The following TEX11 variants were observed in gnomAD, a reference collection of about 807,000 sequenced individuals.
TEX11 encodes testis-expressed protein 11.
Under a neutral mutation model 84.4 loss-of-function variants are expected in TEX11, and 7 were observed. The ratio of observed to expected loss-of-function variants is 0.08; its 90% CI spans 0.05 to 0.16. The LOEUF is 0.16. Among genes scored for constraint, TEX11 ranks in the 10% least tolerant of loss-of-function variants. The probability of loss-of-function intolerance (pLI) is 1.00; values close to 1 mark genes in which losing one functional copy is unlikely to be tolerated. For synonymous variants in TEX11, 264 were observed against 222.8 expected (o/e 1.18, Z -1.64); for missense variants, 551 against 660.5 (o/e 0.83, Z 1.82).
chrX:70,737,932 C>T (rs2147741923), intron 11 of TEX11, among the ~76,000 whole-genome samples: 1 of 111,630 alleles, frequency 9.0e-6, no homozygotes, highest in African/African-American at 3.2e-5. Flanking sequence ...CTTCCTTACA[C>T]TTTATACAAA....
chrX:70,557,646 A>G (rs1947805602), intron 25 of TEX11, among the ~76,000 whole-genome samples: 1 of 111,732 alleles, frequency 8.9e-6, no homozygotes, highest in Non-Finnish European at 1.9e-5. Context: ...GGATTTGATG[A>G]TTTATCATTA....
At chrX:70,589,442 CTCTA>C (rs1224623482) in intron 25 of TEX11, among the ~76,000 whole-genome samples, 1 of 87,404 alleles carries the variant, frequency 1.1e-5, no homozygotes, top group Non-Finnish European at 2.5e-5. Context: ...TCTCTATCTA[CTCTA>C]TCTATAGCCT....
At chrX:70,570,691 C>T (rs192783816) in intron 25 of TEX11, among the ~76,000 whole-genome samples, 35 of 111,558 alleles carry the variant, frequency 3.1e-4, no homozygotes, top group African/African-American at 1.1e-3. Flanking sequence ...TAGGACTACT[C>T]AGATTATTTT....
intron 24 of TEX11, among the ~76,000 whole-genome samples, chrX:70,600,049 T>C (rs2089075587): frequency 9.0e-6 from 1 of 111,194 alleles, no homozygotes; most frequent in Non-Finnish European, 1.9e-5. Flanking sequence ...ATGGGATTGC[T>C]GGGTCAAATG....
intron 3 of TEX11, among the ~76,000 whole-genome samples, chrX:70,873,517 A>G (rs772110322): frequency 2.7e-5 from 3 of 111,102 alleles, no homozygotes; most frequent in African/African-American, 9.8e-5. Context: ...ATTCCTATCA[A>G]TGTGTCTTTA....
intron 9 of TEX11, among the ~76,000 whole-genome samples, chrX:70,777,271 G>T (rs1397302943): frequency 5.4e-5 from 6 of 111,486 alleles, no homozygotes; most frequent in Non-Finnish European, 1.1e-4. Context: ...GATGTAAACT[G>T]TGACATCAAA....
At chrX:70,841,774 C>G (rs759354751) in intron 7 of TEX11, among the ~76,000 whole-genome samples, 4 of 109,960 alleles carry the variant, frequency 3.6e-5, no homozygotes, top group African/African-American at 1.3e-4. Context: ...ATCAATTAGA[C>G]GCAATAAAAA....
intron 15 of TEX11, chrX:70,673,530 A>C (rs1327368137): frequency 8.9e-6 from 1 of 111,872 alleles, no homozygotes; most frequent in Non-Finnish European, 1.9e-5. Context: ...CTAGATCCTG[A>C]AGATTTTCTC....
At chrX:70,618,568 A>T (rs2089345913) in intron 20 of TEX11, among the ~76,000 whole-genome samples, 1 of 112,029 alleles carries the variant, frequency 8.9e-6, no homozygotes, top group African/African-American at 3.2e-5. Flanking sequence ...TAAGATGGCT[A>T]TGTGGCAGAT....
chrX:70,882,617 T>C (rs2091689253), intron 2 of TEX11, among the ~76,000 whole-genome samples: 1 of 110,669 alleles, frequency 9.0e-6, no homozygotes, highest in Admixed American at 9.7e-5. Context: ...TTCATCTCCA[T>C]AAAAAACTTA....
intron 14 of TEX11, among the ~76,000 whole-genome samples, chrX:70,679,928 C>T (rs1603216890): frequency 1.0e-5 from 1 of 98,575 alleles, no homozygotes; most frequent in Admixed American, 1.0e-4. Flanking sequence ...CCCCTCTGCC[C>T]GGCCAGCCGC....
intron 2 of TEX11, among the ~76,000 whole-genome samples, chrX:70,904,313 G>A (rs2091818568): frequency 9.0e-6 from 1 of 111,341 alleles, no homozygotes; most frequent in South Asian, 3.7e-4. Flanking sequence ...ATCTATGAAA[G>A]TACACCAACT....
intron 9 of TEX11, among the ~76,000 whole-genome samples, chrX:70,785,895 G>A (rs188609743): frequency 1.8e-5 from 2 of 112,124 alleles, no homozygotes; most frequent in African/African-American, 6.5e-5. Context: ...TTCAACCATT[G>A]TGGAAGACAG....
chrX:70,700,630 C>T (rs947950035), intron 13 of TEX11, among the ~76,000 whole-genome samples: 5 of 111,281 alleles, frequency 4.5e-5, no homozygotes, highest in Admixed American at 1.9e-4. Flanking sequence ...ACAATGGCCT[C>T]TAAGTGTTCA....
At chrX:70,732,599 A>G (rs1156986314) in intron 11 of TEX11, among the ~76,000 whole-genome samples, 6 of 111,631 alleles carry the variant, frequency 5.4e-5, no homozygotes. Flanking sequence ...TACAAAAGAC[A>G]TGAAGGACCT....
intron 2 of TEX11, among the ~76,000 whole-genome samples, chrX:70,885,888 C>CAAAAAAAAAAAA (rs780384460): frequency 2.4e-5 from 1 of 41,377 alleles, no homozygotes; most frequent in Admixed American, 2.6e-4. Flanking sequence ...GACACTGCCA[C>CAAAAAAAAAAAA]AAAAAAAAAA....
chrX:70,610,407 A>T, intron 21 of TEX11, 96 bp downstream of exon 21: 2 of 801,695 alleles, frequency 2.5e-6, no homozygotes, highest in Non-Finnish European at 3.6e-6. Context: ...CTTAACTCAA[A>T]CATAAGGTTA....
chrX:70,748,839 T>C (rs1362718424), intron 9 of TEX11, among the ~76,000 whole-genome samples: 2 of 96,043 alleles, frequency 2.1e-5, no homozygotes, highest in Admixed American at 2.4e-4. Flanking sequence ...TAGTATAGTT[T>C]GAAGTCAGGT....
chrX:70,584,011 G>T (rs866518932), intron 25 of TEX11, among the ~76,000 whole-genome samples: 9 of 111,540 alleles, frequency 8.1e-5, no homozygotes, highest in South Asian at 3.8e-4. Flanking sequence ...CGGGCGCGGT[G>T]GCTCACGCCT....
Sources: gnomAD v4.1 joint callset for allele counts (sites outside exome capture counted in the v4.1 genomes callset) on GRCh38, gnomAD v4.1.1 for gene constraint, MANE v1.5 for transcripts, NCBI Gene and HGNC (gene_info 2026-07-23, HGNC 2026-07-21) for gene names.